The following ZNF71 variants were observed in gnomAD, a reference collection of about 807,000 sequenced individuals.
ZNF71 encodes zinc finger protein 71.
In ZNF71, 3 loss-of-function variants were observed where a neutral mutation model predicts 6.7. The ratio of observed to expected loss-of-function variants is 0.45; its 90% CI spans 0.20 to 1.16. The LOEUF is 1.16. Among genes scored for constraint, ZNF71 ranks in the 50% most tolerant of loss-of-function variants. ZNF71 has a pLI of 0.25. For missense variants in ZNF71, 688 were observed against 728.6 expected, an observed-to-expected ratio of 0.94 and a Z score of 0.64; for synonymous variants, 343 against 311.1, an observed-to-expected ratio of 1.10 and a Z score of -1.08.
chr19:56,619,354 C>T (rs571889895), intron 3 of ZNF71, among the ~76,000 whole-genome samples: 3 of 152,138 alleles, frequency 2.0e-5, no homozygotes, highest in African/African-American at 4.8e-5. Flanking sequence ...TCTGTTCTAC[C>T]GTCTGTCTCT....
At chr19:56,599,700 T>G (rs957854485) in intron 1 of ZNF71, among the ~76,000 whole-genome samples, 2 of 151,132 alleles carry the variant, frequency 1.3e-5, no homozygotes, top group East Asian at 1.9e-4. Flanking sequence ...TGTTTTGTTT[T>G]TTTTTTTTTT....
intron 1 of ZNF71, among the ~76,000 whole-genome samples, 196 bp downstream of exon 1, chr19:56,595,624 T>G: frequency 6.6e-6 from 1 of 150,440 alleles, no homozygotes; most frequent in African/African-American, 2.5e-5. Context: ...GAGGCGTGAG[T>G]GGGTTGGAGG....
Position 56,622,012 on chromosome 19 carries a change from A to G in ZNF71, c.905A>G (p.Tyr302Cys). Residue 302 changes from tyrosine (Y) to cysteine (C), a missense_variant, in exon 4 of 4, where the codon TAC becomes TGC. Tyr to Cys is a radical substitution (Grantham distance 194). Coordinates refer to ENST00000599599, the MANE Select transcript of ZNF71 (RefSeq NM_001370215.1). ...HERIHTGEKP[Y>C]ACGDCGKAFS... ...CGGATCCACACGGGGGAGAAGCCCT[A>G]CGCGTGCGGGGACTGCGGCAAGGCC... The G allele has an allele frequency of 1.2e-6, 2 of 1,613,256 alleles. No individual in the cohort carries two copies. Among genetic ancestry groups the G allele is most frequent in the East Asian group, 2.2e-5 (1 of 44,852 alleles).
Position 56,622,723 on chromosome 19 carries a change from C to G in ZNF71, c.1616C>G (p.Thr539Arg). The change falls in exon 4 of 4, where the codon ACG (threonine) becomes AGG (arginine). Residue 539 changes from threonine to arginine, a missense_variant. Transcript: ENST00000599599. ...GECGKTFSRNTNLTRHLRIHT is the reference protein window; with the variant it reads ...GECGKTFSRNRNLTRHLRIHT Reference sequence around the variant, plus strand: ...TGCGGGAAGACCTTCAGCCGCAACACGAACCTGACGCGCCACCTGCGGATT... The same window carrying G: ...TGCGGGAAGACCTTCAGCCGCAACAGGAACCTGACGCGCCACCTGCGGATT... The G allele has an allele frequency of 6.2e-7, 1 of 1,609,446 alleles. No homozygotes were observed. The highest frequency in any genetic ancestry group is 1.1e-5 in the South Asian group (1 of 90,358).
Position 56,621,957 on chromosome 19 carries a change from C to T in ZNF71, c.850C>T (p.Arg284Trp). The T allele has an allele frequency of 6.3e-7, 1 of 1,584,342 alleles. No individual in the cohort carries two copies. Among genetic ancestry groups the T allele is most frequent in the South Asian group, 1.1e-5 (1 of 89,496 alleles). The change falls in exon 4 of 4, where the codon CGG (arginine) becomes TGG (tryptophan). Residue 284 changes from arginine (R) to tryptophan (W), a missense_variant. Arg to Trp is a moderately radical substitution (Grantham distance 101). Transcript: ENST00000599599. The part of the protein sequence containing the change: ...YVCDVCGKAF[R>W]KTSSLTQHER... The stretch of plus-strand genomic sequence containing the variant: ...GTGCGACGTGTGTGGCAAGGCCTTC[C>T]GGAAGACTTCCTCTCTCACCCAGCA...
In ZNF71 at chr19:56,618,301, G is replaced by T. The variant is rs2044813449; in HGVS notation, c.161-2967G>T. On this transcript the variant is annotated intron_variant, in intron 3 of 3. Coordinates refer to ENST00000599599, the MANE Select transcript of ZNF71 (RefSeq NM_001370215.1). The surrounding 1 kb of genome is among the most constrained non-coding windows in gnomAD (Gnocchi z 4.6). ...TCCGTTTCCTCATCAGCAAAATGAG[G>T]ATGGTCATAACTATCTACTACTGTA... Among the ~76,000 whole-genome samples the T allele has an allele frequency of 6.6e-6, 1 of 152,184 alleles. No individual in the cohort carries two copies. The highest frequency in any genetic ancestry group is 2.1e-4 in the South Asian group (1 of 4,826).
intron 2 of ZNF71, among the ~76,000 whole-genome samples, chr19:56,606,842 A>T (rs933022995): frequency 6.6e-6 from 1 of 152,112 alleles, no homozygotes; most frequent in African/African-American, 2.4e-5. Context: ...ATCTAGCCTG[A>T]GAGTCCCAGA....
At chr19:56,610,913 T>A (rs1472235855) in intron 2 of ZNF71, among the ~76,000 whole-genome samples, 1 of 152,194 alleles carries the variant, frequency 6.6e-6, no homozygotes, top group Non-Finnish European at 1.5e-5. Context: ...TTTCATTGTA[T>A]ATAGAGACCA....
In ZNF71 at chr19:56,600,314, C is replaced by T. The variant is rs1319410491; in HGVS notation, c.-52-1193C>T. On this transcript the variant is annotated intron_variant, in intron 1 of 3. Coordinates refer to ENST00000599599, the MANE Select transcript of ZNF71 (RefSeq NM_001370215.1). ...CCGGGTTCACGCCATTCTCCTGCCTCAGCCTCCCGAGTAGCTGGGACTACA... is the reference window on the plus strand; with the variant it reads ...CCGGGTTCACGCCATTCTCCTGCCTTAGCCTCCCGAGTAGCTGGGACTACA... Among the ~76,000 whole-genome samples the T allele has an allele frequency of 1.1e-4, 6 of 53,626 alleles. 2 individuals are homozygous for T. Among genetic ancestry groups the T allele is most frequent in the Admixed American group, 5.4e-4 (2 of 3,704 alleles). The allele number at this position is 53,626 out of a possible 152,430, so 35.2% of individuals were successfully genotyped here. A position where few individuals can be genotyped will look rare whatever the true frequency, so the allele number is the denominator to read the frequency against.
At chr19:56,617,863 C>T (rs982499984) in intron 3 of ZNF71, among the ~76,000 whole-genome samples, 2 of 152,156 alleles carry the variant, frequency 1.3e-5, no homozygotes, top group African/African-American at 2.4e-5. Flanking sequence ...CCTGATTTCT[C>T]CAGGTCATGT....
At chr19:56,616,280 A>G (rs1007142579) in intron 3 of ZNF71, among the ~76,000 whole-genome samples, 7 of 152,240 alleles carry the variant, frequency 4.6e-5, no homozygotes, top group Admixed American at 2.6e-4. Flanking sequence ...GTCCAACACC[A>G]TTTGTTGAAA....
chr19:56,622,989 A>G lies in ZNF71; in HGVS notation c.*232A>G. The G allele has an allele frequency of 1.7e-6, 1 of 594,742 alleles. No individual in the cohort carries two copies. Among genetic ancestry groups the G allele is most frequent in the East Asian group, 2.9e-5 (1 of 34,396 alleles). 36.8% of individuals were successfully genotyped at this position (594,742 alleles called of 1,614,324 possible). On this transcript the variant is annotated 3_prime_UTR_variant, in exon 4 of 4. Transcript: ENST00000599599. ...CGTATCTGGGGACACTTCAAGGTTC[A>G]CTGTAGCTGAGCCATGGCCGCTGGT...
chr19:56,620,618 A>C (rs951674565), intron 3 of ZNF71, among the ~76,000 whole-genome samples: 1 of 151,898 alleles, frequency 6.6e-6, no homozygotes, highest in Non-Finnish European at 1.5e-5. Flanking sequence ...TGCAACCTCG[A>C]ATTCCTGGGC....
At chr19:56,616,636 C>T (rs1442084126) in intron 3 of ZNF71, among the ~76,000 whole-genome samples, 3 of 152,172 alleles carry the variant, frequency 2.0e-5, no homozygotes, top group Admixed American at 1.3e-4. Flanking sequence ...CTGACATGCA[C>T]GTTTTGACCA....
intron 2 of ZNF71, among the ~76,000 whole-genome samples, chr19:56,602,120 C>T (rs1473348367): frequency 3.9e-5 from 6 of 152,194 alleles, no homozygotes; most frequent in Non-Finnish European, 8.8e-5. Context: ...TTCTCCACAT[C>T]ATTAAAAACT....
intron 2 of ZNF71, among the ~76,000 whole-genome samples, chr19:56,610,915 T>C (rs934442757): frequency 4.6e-5 from 7 of 152,166 alleles, no homozygotes; most frequent in Admixed American, 3.9e-4. Flanking sequence ...TCATTGTATA[T>C]AGAGACCACA....
At chr19:56,617,175 A>T (rs533143672) in intron 3 of ZNF71, among the ~76,000 whole-genome samples, 150 of 146,184 alleles carry the variant, frequency 1.0e-3, no homozygotes, top group Non-Finnish European at 1.4e-3. Context: ...CAGTGGCATG[A>T]TCAGAGCTCA....
chr19:56,608,581 T>C (rs974760522), intron 2 of ZNF71, among the ~76,000 whole-genome samples: 2 of 152,172 alleles, frequency 1.3e-5, no homozygotes, highest in Non-Finnish European at 2.9e-5. Flanking sequence ...ATATAACCTT[T>C]CCTTGGAAGT....
At chr19:56,619,159 T>C (rs2044822334) in intron 3 of ZNF71, among the ~76,000 whole-genome samples, 3 of 152,168 alleles carry the variant, frequency 2.0e-5, no homozygotes, top group African/African-American at 7.2e-5. Flanking sequence ...GTGAAAAATA[T>C]ATAGAGAACA....
Sources: gnomAD v4.1 joint callset for allele counts (sites outside exome capture counted in the v4.1 genomes callset) on GRCh38, gnomAD v4.1.1 for gene constraint, Gnocchi (gnomAD v3.1) non-coding constraint, MANE v1.5 for transcripts, NCBI Gene and HGNC (gene_info 2026-07-23, HGNC 2026-07-21) for gene names.